C12orf56: variants seen among roughly 807,000 people sequenced by gnomAD.
The protein encoded by C12orf56 is chromosome 12 open reading frame 56, also known as uncharacterized protein C12orf56.
A neutral mutation model predicts 69.9 loss-of-function variants in C12orf56; 71 were observed. The observed-to-expected ratio is 1.02, with a 90% CI of 0.84 to 1.24. The LOEUF (loss-of-function observed/expected upper bound fraction) is 1.24, where lower values mean the gene tolerates loss of function less well. Among genes scored for constraint, C12orf56 ranks in the 50% most tolerant of loss-of-function variants. The pLI is 0.00. For synonymous variants in C12orf56, 276 were observed against 274.1 expected (o/e 1.01, Z -0.07); for missense variants, 732 against 738.5 (o/e 0.99, Z 0.10).
chr12:64,356,838 G>A (rs556510793), intron 1 of C12orf56, among the ~76,000 whole-genome samples: 1 of 152,116 alleles, frequency 6.6e-6, no homozygotes, highest in Admixed American at 6.6e-5. Flanking sequence ...AGAGAAGCTT[G>A]GAGTTCACTA....
intron 5 of C12orf56, among the ~76,000 whole-genome samples, chr12:64,308,037 G>A (rs755622419): frequency 1.3e-4 from 20 of 151,684 alleles, no homozygotes; most frequent in East Asian, 3.9e-4. Flanking sequence ...AAATATAAAC[G>A]GCTGGGCGCG....
chr12:64,346,874 G>A lies in C12orf56; in HGVS notation c.415+6020C>T, dbSNP rs535458488. 6.6e-5 allele frequency among the ~76,000 whole-genome samples: 10 copies of A among 152,202 alleles called. No individual in the cohort carries two copies. In the South Asian group the frequency reaches 2.1e-3, roughly 32 times the overall value. On this transcript the variant is annotated intron_variant, in intron 2 of 12. Transcript: ENST00000543942. ...TGAGGAACTAGGCACAAGGACCACT[G>A]CACTCCAGTCTGGGCAACAAATTAA...
chr12:64,381,517 A>G (rs544454062), intron 1 of C12orf56, among the ~76,000 whole-genome samples: 2 of 152,060 alleles, frequency 1.3e-5, no homozygotes, highest in East Asian at 3.9e-4. Context: ...CTTTGTTTTA[A>G]ACTATAAACT....
chr12:64,388,674 G>A (rs932035638), intron 1 of C12orf56, among the ~76,000 whole-genome samples: 6 of 152,176 alleles, frequency 3.9e-5, no homozygotes, highest in African/African-American at 1.4e-4. Context: ...GGGCAACACT[G>A]CAAGATCCTG....
At position 64,266,297 on chromosome 12, in the gene C12orf56, C is replaced by A; in HGVS notation, c.*886G>T. On this transcript the variant is annotated 3_prime_UTR_variant, in exon 13 of 13. Transcript: ENST00000543942. Reference sequence around the variant, plus strand: ...TTCACTCTCCATAGGCTTCTGTTCCCTTGATAGATTTTTGTCTTAGAACCT... The same window carrying A: ...TTCACTCTCCATAGGCTTCTGTTCCATTGATAGATTTTTGTCTTAGAACCT... The A allele has an allele frequency of 6.5e-6, 1 of 153,376 alleles. No individual in the cohort carries two copies. 9.5% of individuals were successfully genotyped at this position (153,376 alleles called of 1,614,324 possible).
At chr12:64,319,795 G>A (rs2038746829) in intron 3 of C12orf56, among the ~76,000 whole-genome samples, 2 of 152,228 alleles carry the variant, frequency 1.3e-5, no homozygotes, top group African/African-American at 2.4e-5. Context: ...GAGCACAGTG[G>A]GAGGGACAAT....
chr12:64,359,466 T>C lies in C12orf56; in HGVS notation c.253-6410A>G, dbSNP rs537137158. ...AGGAAAAGATGTATTTCCTCCTTTA[T>C]ACTTTTAAAAATTAAAAAAAAATTC... is the stretch of plus-strand genomic sequence containing the variant. On this transcript the variant is annotated intron_variant, in intron 1 of 12. Transcript: ENST00000543942. Among the ~76,000 whole-genome samples, 85 of 152,300 alleles carry C rather than the reference T, an allele frequency of 5.6e-4. No homozygotes were observed. The South Asian group carries it at 0.016, about 29-fold the overall frequency.
At chr12:64,349,665 TA>T (rs1215493273) in intron 2 of C12orf56, among the ~76,000 whole-genome samples, 7 of 152,158 alleles carry the variant, frequency 4.6e-5, no homozygotes, top group African/African-American at 1.4e-4. Context: ...TACTCACCCA[TA>T]AAAAGCATTC....
chr12:64,273,806 GA>G lies in C12orf56; in HGVS notation c.1584+1094del, dbSNP rs57188849. Among the ~76,000 whole-genome samples the G allele has an allele frequency of 6.7e-4, 102 of 152,272 alleles. 1 individual carries two copies. The East Asian group carries it at 0.019, about 28-fold the overall frequency. ...TACTGGCTCTTAAAGCTTCTGCCCA[GA>G]AGTGACATAGGCCACTTCTGATCAC... On this transcript the variant is annotated intron_variant, in intron 11 of 12. Transcript: ENST00000543942.
chr12:64,379,470 TAG>T (rs2039683324), intron 1 of C12orf56, among the ~76,000 whole-genome samples: 1 of 151,776 alleles, frequency 6.6e-6, no homozygotes, highest in Non-Finnish European at 1.5e-5. Flanking sequence ...ATTTTTTTAG[TAG>T]AGACGGGATT....
chr12:64,281,181 A>C (rs1278530069), intron 8 of C12orf56, among the ~76,000 whole-genome samples: 1 of 152,038 alleles, frequency 6.6e-6, no homozygotes, highest in Non-Finnish European at 1.5e-5. Context: ...GCTGAGGCAC[A>C]AGAATTGCTT....
At chr12:64,385,419 T>C (rs1359933466) in intron 1 of C12orf56, among the ~76,000 whole-genome samples, 1 of 152,166 alleles carries the variant, frequency 6.6e-6, no homozygotes, top group Non-Finnish European at 1.5e-5. Flanking sequence ...TGTAAGGGCT[T>C]TTTTTCCCCT....
At chr12:64,311,168 G>A (rs955362163) in intron 5 of C12orf56, among the ~76,000 whole-genome samples, 1 of 152,110 alleles carries the variant, frequency 6.6e-6, no homozygotes, top group South Asian at 2.1e-4. Context: ...CAGGCGTGGT[G>A]GCTCATGCCT....
chr12:64,266,379 T>C lies in C12orf56; in HGVS notation c.*804A>G, dbSNP rs2037919879. The C allele has an allele frequency of 4.5e-6, 1 of 222,764 alleles. No individual in the cohort carries two copies. The highest frequency in any genetic ancestry group is 8.8e-5 in the South Asian group (1 of 11,326). 13.8% of individuals were successfully genotyped at this position (222,764 alleles called of 1,614,324 possible). ...CACTTTATGTATGTCAGAATGGATG[T>C]AGGTTTCTTTGTAGCAGATTTTAAA... On this transcript the variant is annotated 3_prime_UTR_variant, in exon 13 of 13. Coordinates refer to ENST00000543942, the MANE Select transcript of C12orf56 (RefSeq NM_001170633.2).
chr12:64,283,700 C>T (rs1338664869), intron 8 of C12orf56, among the ~76,000 whole-genome samples: 1 of 150,060 alleles, frequency 6.7e-6, no homozygotes, highest in Non-Finnish European at 1.5e-5. Flanking sequence ...CTTTCTGCTT[C>T]CCACAGGGTA....
At chr12:64,363,927 A>G (rs1288379318) in intron 1 of C12orf56, among the ~76,000 whole-genome samples, 3 of 152,090 alleles carry the variant, frequency 2.0e-5, no homozygotes, top group Non-Finnish European at 2.9e-5. Context: ...CCTCAAATAG[A>G]TAACTCCTTT....
chr12:64,343,240 G>A (rs572002205), intron 2 of C12orf56, among the ~76,000 whole-genome samples: 4 of 152,054 alleles, frequency 2.6e-5, no homozygotes, highest in Non-Finnish European at 5.9e-5. Flanking sequence ...AATTTTAGTC[G>A]GATTTTTTTC....
intron 11 of C12orf56, among the ~76,000 whole-genome samples, chr12:64,271,568 T>C (rs1443006673): frequency 2.6e-5 from 4 of 152,216 alleles, no homozygotes; most frequent in African/African-American, 4.8e-5. Context: ...CCCATTGAAT[T>C]AGTATCAGTA....
In C12orf56 at chr12:64,265,829, G is replaced by A. The variant is rs979945510; in HGVS notation, c.*1354C>T. On this transcript the variant is annotated 3_prime_UTR_variant, in exon 13 of 13. Coordinates refer to ENST00000543942, the MANE Select transcript of C12orf56 (RefSeq NM_001170633.2). ...CACCTCACGGTGATGCCAAAGTTAA[G>A]TATTTGTGGAATTAAATTAGTTTAT... 2 of 152,182 alleles carry A rather than the reference G, an allele frequency of 1.3e-5. No homozygotes were observed. The highest frequency in any genetic ancestry group is 4.8e-5 in the African/African-American group (2 of 41,452). The allele number at this position is 152,182 out of a possible 1,614,324, so 9.4% of individuals were successfully genotyped here.
Sources: gnomAD v4.1 joint callset for allele counts (sites outside exome capture counted in the v4.1 genomes callset) on GRCh38, gnomAD v4.1.1 for gene constraint, MANE v1.5 for transcripts, NCBI Gene and HGNC (gene_info 2026-07-23, HGNC 2026-07-21) for gene names.